Variants in LCA5L observed in about 807,000 individuals in gnomAD.
The protein encoded by LCA5L is lebercilin LCA5 like.
In LCA5L, 35 loss-of-function variants were observed where a neutral mutation model predicts 45.4. The ratio of observed to expected loss-of-function variants is 0.77; its 90% confidence interval spans 0.59 to 1.02. The LOEUF (loss-of-function observed/expected upper bound fraction) is 1.02, where lower values mean the gene tolerates loss of function less well. Among genes scored for constraint, LCA5L ranks in the 50% least tolerant of loss-of-function variants. LCA5L has a pLI of 0.00. For missense variants in LCA5L, 668 were observed against 761.6 expected, an observed-to-expected ratio of 0.88 and a Z score of 1.45; for synonymous variants, 233 against 264.7, an observed-to-expected ratio of 0.88 and a Z score of 1.16.
intron 2 of LCA5L, among the ~76,000 whole-genome samples, chr21:39,440,243 T>C (rs935843553): frequency 1.3e-5 from 2 of 152,088 alleles, no homozygotes; most frequent in Non-Finnish European, 2.9e-5. Flanking sequence ...ATCCTAAGCC[T>C]GAGGCAGGCA....
chr21:39,440,110 C>A (rs1210027104), intron 2 of LCA5L, among the ~76,000 whole-genome samples: 3 of 152,080 alleles, frequency 2.0e-5, no homozygotes, highest in Admixed American at 2.0e-4. Context: ...TATTTTTCCC[C>A]TAACTCTGCT....
intron 7 of LCA5L, among the ~76,000 whole-genome samples, chr21:39,419,523 C>CAAAAAAAAA (rs5843964): frequency 1.6e-5 from 2 of 123,538 alleles, no homozygotes; most frequent in African/African-American, 7.1e-5. Context: ...AGACCCTGTT[C>CAAAAAAAAA]AAAAAAAAAA....
intron 2 of LCA5L, among the ~76,000 whole-genome samples, chr21:39,440,567 C>T (rs781122914): frequency 1.3e-5 from 2 of 152,110 alleles, no homozygotes; most frequent in African/African-American, 4.8e-5. Flanking sequence ...GGATTTACCA[C>T]GTCAGAGTAT....
Position 39,405,835 on chromosome 21 carries a change from T to C in LCA5L, c.*47A>G. The C allele has an allele frequency of 2.2e-6, 3 of 1,368,430 alleles. No homozygotes were observed. The South Asian group carries it at 4.3e-5, about 20-fold the overall frequency. 84.8% of individuals were successfully genotyped at this position (1,368,430 alleles called of 1,614,324 possible). A position where few individuals can be genotyped will look rare whatever the true frequency, so the allele number is the denominator to read the frequency against. ...TTTCAAAAATAAGATGCAAGGCACA[T>C]AAGCAGCATTATATCAAACCAGAAT... On this transcript the variant is annotated 3_prime_UTR_variant, in exon 11 of 11. Coordinates refer to ENST00000288350, the MANE Select transcript of LCA5L (RefSeq NM_152505.4).
rs568210419 is a variant in LCA5L, at chr21:39,419,976, A to G, written c.975+730T>C. Among the ~76,000 whole-genome samples the G allele has an allele frequency of 9.2e-5, 14 of 152,328 alleles. No individual in the cohort carries two copies. In the South Asian group the frequency reaches 2.9e-3, roughly 32 times the overall value. Reference sequence around the variant, plus strand: ...TAAGTAAAACTAAGATAAATTTATGAGTCATTAAAATTTATCTTAAATATT... The same window carrying G: ...TAAGTAAAACTAAGATAAATTTATGGGTCATTAAAATTTATCTTAAATATT... On this transcript the variant is annotated intron_variant, in intron 7 of 10. Transcript: ENST00000288350.
chr21:39,431,196 T>C (rs2075679128), intron 3 of LCA5L, among the ~76,000 whole-genome samples: 1 of 152,176 alleles, frequency 6.6e-6, no homozygotes, highest in East Asian at 1.9e-4. Flanking sequence ...CCTCTCCACG[T>C]GGATGTGCAA....
chr21:39,415,016 C>T (rs1326324053), intron 7 of LCA5L, among the ~76,000 whole-genome samples: 1 of 152,086 alleles, frequency 6.6e-6, no homozygotes, highest in Non-Finnish European at 1.5e-5. Flanking sequence ...GATCTTCTGC[C>T]TCAGCCTCTG....
At chr21:39,417,817 G>C (rs1036790039) in intron 7 of LCA5L, among the ~76,000 whole-genome samples, 1 of 152,002 alleles carries the variant, frequency 6.6e-6, no homozygotes, top group South Asian at 2.1e-4. Flanking sequence ...CCAGGCTGGA[G>C]TGCGGTGGCG....
chr21:39,417,910 T>C lies in LCA5L; in HGVS notation c.975+2796A>G, dbSNP rs373625194. Reference sequence around the variant, plus strand: ...CCTCCCAAGTAGCTGGGACTACAGGTGCCCGCCACCATGCCTGGTTAATTT... The same window carrying C: ...CCTCCCAAGTAGCTGGGACTACAGGCGCCCGCCACCATGCCTGGTTAATTT... On this transcript the variant is annotated intron_variant, in intron 7 of 10. Coordinates refer to ENST00000288350, the MANE Select transcript of LCA5L (RefSeq NM_152505.4). 3.3e-3 allele frequency among the ~76,000 whole-genome samples: 497 copies of C among 152,050 alleles called. 2 individuals carry two copies. The highest frequency in any genetic ancestry group is 4.8e-3 in the Non-Finnish European group (327 of 67,964).
chr21:39,434,116 T>C (rs1274020250), intron 3 of LCA5L, among the ~76,000 whole-genome samples: 3 of 152,178 alleles, frequency 2.0e-5, no homozygotes, highest in African/African-American at 7.2e-5. Flanking sequence ...ATGACCTCAA[T>C]ACAGGTATGT....
intron 3 of LCA5L, among the ~76,000 whole-genome samples, chr21:39,434,161 T>C (rs894135490): frequency 2.0e-5 from 3 of 152,196 alleles, no homozygotes; most frequent in Non-Finnish European, 2.9e-5. Context: ...GTTCTATTCT[T>C]TTCCATGAAA....
At chr21:39,435,784 C>T (rs888591865) in intron 2 of LCA5L, among the ~76,000 whole-genome samples, 16 of 151,968 alleles carry the variant, frequency 1.1e-4, no homozygotes, top group Admixed American at 3.3e-4. Context: ...TACAGGCGCC[C>T]GCCACCATGC....
chr21:39,433,580 A>G (rs781315734), intron 3 of LCA5L, among the ~76,000 whole-genome samples: 1 of 152,106 alleles, frequency 6.6e-6, no homozygotes, highest in Non-Finnish European at 1.5e-5. Flanking sequence ...ATTTTTTGGT[A>G]TATGGGCATC....
intron 10 of LCA5L, among the ~76,000 whole-genome samples, chr21:39,408,112 C>G (rs995918173): frequency 6.6e-6 from 1 of 152,228 alleles, no homozygotes; most frequent in African/African-American, 2.4e-5. Flanking sequence ...TCAGAAGTTG[C>G]TCTTACCCAG....
At chr21:39,428,148 T>C in intron 5 of LCA5L, 24 bp downstream of exon 5, 1 of 1,429,946 alleles carries the variant, frequency 7.0e-7, no homozygotes, top group Admixed American at 2.1e-5. Flanking sequence ...AATTTGGTCT[T>C]GCTTGGGAAA....
At chr21:39,419,635 T>G (rs150180682) in intron 7 of LCA5L, among the ~76,000 whole-genome samples, 1 of 152,224 alleles carries the variant, frequency 6.6e-6, no homozygotes, top group East Asian at 1.9e-4. Context: ...GACGTGGGCC[T>G]TTTGGGAGGT....
chr21:39,434,348 G>C (rs1354377572), intron 3 of LCA5L, among the ~76,000 whole-genome samples: 1 of 152,144 alleles, frequency 6.6e-6, no homozygotes, highest in Non-Finnish European at 1.5e-5. Flanking sequence ...CTGATGACTA[G>C]TATCAGGCCT....
rs56653651 is a variant in LCA5L, at chr21:39,419,354, G to A, written c.975+1352C>T. Among the ~76,000 whole-genome samples the A allele has an allele frequency of 4.2e-3, 636 of 151,886 alleles. 6 individuals are homozygous for A. Among genetic ancestry groups the A allele is most frequent in the African/African-American group, 0.015 (612 of 41,414 alleles). On this transcript the variant is annotated intron_variant, in intron 7 of 10. Coordinates refer to ENST00000288350, the MANE Select transcript of LCA5L (RefSeq NM_152505.4). Reference sequence around the variant, plus strand: ...AGCCTGGGCAACACAGCGAGACCCCGTCTCTACAAAAATTTTAAAAATTAG... The same window carrying A: ...AGCCTGGGCAACACAGCGAGACCCCATCTCTACAAAAATTTTAAAAATTAG...
In LCA5L at chr21:39,428,198, T is replaced by C; in HGVS notation, c.296A>G (p.Asn99Ser). Reference sequence around the variant, plus strand: ...TTTAGATTGGGAGATTTTAGAAACATTATACTTTTTCTTCTCCTTTTCTTT... The same window carrying C: ...TTTAGATTGGGAGATTTTAGAAACACTATACTTTTTCTTCTCCTTTTCTTT... ...VVKEKEKKKYNVSKISQSKGQ... is the reference protein window; with the variant it reads ...VVKEKEKKKYSVSKISQSKGQ... The change falls in exon 5 of 11, where the codon AAT becomes AGT. Residue 99 changes from asparagine to serine, a missense_variant. By Grantham distance (46) the Asn-to-Ser change is conservative. Coordinates refer to ENST00000288350, the MANE Select transcript of LCA5L (RefSeq NM_152505.4). The C allele has an allele frequency of 6.3e-7, 1 of 1,593,744 alleles. No individual in the cohort carries two copies. Among genetic ancestry groups the C allele is most frequent in the East Asian group, 2.2e-5 (1 of 44,738 alleles).
Sources: allele counts gnomAD v4.1 joint callset (sites outside exome capture counted in the v4.1 genomes callset), GRCh38; gene constraint gnomAD v4.1.1; transcripts MANE v1.5; gene names NCBI Gene and HGNC (gene_info 2026-07-23, HGNC 2026-07-21).